Variants in DDHD1 observed in about 807,000 individuals in gnomAD.
DDHD1 encodes DDHD domain containing 1, also known as phospholipase DDHD1.
DDHD1 carries 49 observed loss-of-function variants against 96.4 expected under a neutral mutation model. The observed-to-expected ratio is 0.51, with a 90% confidence interval of 0.40 to 0.64. The LOEUF is 0.64. Ranked by LOEUF, DDHD1 falls within the 30% of genes least tolerant of loss-of-function variation. The pLI is 0.00. For missense variants in DDHD1, 1,106 were observed against 1,161.2 expected, an observed-to-expected ratio of 0.95 and a Z score of 0.69; for synonymous variants, 442 against 446.5, an observed-to-expected ratio of 0.99 and a Z score of 0.13.
intron 1 of DDHD1, 31 bp downstream of exon 1, chr14:53,152,230 C>G (rs1891448339): frequency 6.4e-7 from 1 of 1,557,798 alleles, no homozygotes; most frequent in Non-Finnish European, 8.7e-7. Context: ...AGGGGCAGCC[C>G]GTCCTGCCCT....
intron 2 of DDHD1, among the ~76,000 whole-genome samples, chr14:53,096,377 CATT>C (rs1312164442): frequency 1.3e-5 from 2 of 151,854 alleles, no homozygotes; most frequent in African/African-American, 4.8e-5. Flanking sequence ...TAAAGCAAAA[CATT>C]AGTATAATGT....
intron 1 of DDHD1, among the ~76,000 whole-genome samples, chr14:53,147,950 A>G (rs1891109564): frequency 6.6e-6 from 1 of 152,060 alleles, no homozygotes; most frequent in Non-Finnish European, 1.5e-5. Flanking sequence ...ACACGGTCAC[A>G]TCTACACCAA....
At chr14:53,141,124 C>G (rs1278601172) in intron 1 of DDHD1, among the ~76,000 whole-genome samples, 2 of 152,166 alleles carry the variant, frequency 1.3e-5, no homozygotes, top group African/African-American at 4.8e-5. Flanking sequence ...ATAGTGGAGA[C>G]TTTATCCTTC....
intron 3 of DDHD1, chr14:53,092,472 C>A (rs1229532302): frequency 6.6e-6 from 1 of 152,014 alleles, no homozygotes; most frequent in African/African-American, 2.4e-5. Context: ...ATTCTTTTTA[C>A]ATTTATTTTT....
intron 1 of DDHD1, among the ~76,000 whole-genome samples, chr14:53,104,939 A>T (rs1348847243): frequency 6.6e-6 from 1 of 152,088 alleles, no homozygotes; most frequent in Non-Finnish European, 1.5e-5. Flanking sequence ...GGAGAAAAAG[A>T]ACTGCAAACA....
intron 4 of DDHD1, among the ~76,000 whole-genome samples, chr14:53,075,476 C>A (rs1310418991): frequency 6.6e-6 from 1 of 152,006 alleles, no homozygotes; most frequent in Admixed American, 6.6e-5. Context: ...AAGAAGCTAC[C>A]GAAGAAAAGT....
At chr14:53,122,752 A>G (rs964537409) in intron 1 of DDHD1, among the ~76,000 whole-genome samples, 2 of 151,518 alleles carry the variant, frequency 1.3e-5, no homozygotes, top group Non-Finnish European at 2.9e-5. Flanking sequence ...TATTTTTAGC[A>G]GAGATGGAGT....
At chr14:53,072,749 T>C (rs1884625320) in intron 5 of DDHD1, 46 bp from the exon 6 acceptor site, 4 of 1,392,640 alleles carry the variant, frequency 2.9e-6, no homozygotes, top group Non-Finnish European at 4.0e-6. Flanking sequence ...AGAAAGTCTC[T>C]GTTACAGGAA....
intron 4 of DDHD1, among the ~76,000 whole-genome samples, chr14:53,090,400 T>C (rs191783319): frequency 5.6e-4 from 85 of 152,344 alleles, no homozygotes; most frequent in African/African-American, 2.0e-3. Context: ...TTATAAATCA[T>C]GCTACTATGA....
At chr14:53,123,837 G>C (rs1282177999) in intron 1 of DDHD1, among the ~76,000 whole-genome samples, 1 of 152,208 alleles carries the variant, frequency 6.6e-6, no homozygotes, top group Non-Finnish European at 1.5e-5. Flanking sequence ...TAAGGTAGGT[G>C]AAAGAGATGC....
At chr14:53,117,337 G>T (rs974523416) in intron 1 of DDHD1, among the ~76,000 whole-genome samples, 2 of 152,176 alleles carry the variant, frequency 1.3e-5, no homozygotes, top group Admixed American at 6.5e-5. Context: ...AAGTATGGTG[G>T]GGCGTCGCCT....
At chr14:53,105,850 T>G (rs1887648841) in intron 1 of DDHD1, among the ~76,000 whole-genome samples, 1 of 152,140 alleles carries the variant, frequency 6.6e-6, no homozygotes, top group South Asian at 2.1e-4. Context: ...TACGTATTCT[T>G]TTTTTTCCTT....
Position 53,041,137 on chromosome 14 carries a change from G to C in DDHD1, c.*5631C>G, listed in dbSNP as rs1881616671. On this transcript the variant is annotated 3_prime_UTR_variant, in exon 13 of 13. Transcript: ENST00000673822. ...TCCAGGAGAAAGCAGTAAAGGTCAA[G>C]TGTTAACATACTTGTTTTTCATCTT... 1 of 152,084 alleles carries C rather than the reference G, an allele frequency of 6.6e-6. No homozygotes were observed. Among genetic ancestry groups the C allele is most frequent in the African/African-American group, 2.4e-5 (1 of 41,418 alleles). The allele number at this position is 152,084 out of a possible 1,614,324, so 9.4% of individuals were successfully genotyped here. A position where few individuals can be genotyped will look rare whatever the true frequency, so the allele number is the denominator to read the frequency against.
chr14:53,146,531 A>G (rs1385111656), intron 1 of DDHD1, among the ~76,000 whole-genome samples: 1 of 152,194 alleles, frequency 6.6e-6, no homozygotes, highest in Non-Finnish European at 1.5e-5. Flanking sequence ...GTATAATTCA[A>G]TCTTGTTCAC....
Position 53,060,219 on chromosome 14 carries a change from T to G in DDHD1, c.1842+907A>C, listed in dbSNP as rs189917791. On this transcript the variant is annotated intron_variant, in intron 8 of 12. Transcript: ENST00000673822. ...TGAGTATTAGGAAACTTATGACATT[T>G]CCCATTTAACACTGCAAGCAAGTTA... Among the ~76,000 whole-genome samples, 269 of 152,320 alleles carry G rather than the reference T, an allele frequency of 1.8e-3. 4 individuals carry two copies. The highest frequency in any genetic ancestry group is 0.015 in the Admixed American group (226 of 15,304).
At chr14:53,096,684 T>C (rs1886908369) in intron 2 of DDHD1, among the ~76,000 whole-genome samples, 1 of 151,976 alleles carries the variant, frequency 6.6e-6, no homozygotes. Flanking sequence ...GCATACATTC[T>C]ACTAGATGCT....
chr14:53,141,391 G>T (rs1890631680), intron 1 of DDHD1, among the ~76,000 whole-genome samples: 1 of 152,152 alleles, frequency 6.6e-6, no homozygotes, highest in Admixed American at 6.5e-5. Flanking sequence ...TGAACTAACA[G>T]AATTACCAAA....
intron 1 of DDHD1, among the ~76,000 whole-genome samples, chr14:53,146,102 A>T (rs4901348): frequency 0.73 from 111,180 of 151,892 alleles, 43,449 homozygotes; most frequent in East Asian, 0.96. Context: ...GCTACTTGGG[A>T]GGCTGAGGCA....
intron 1 of DDHD1, among the ~76,000 whole-genome samples, chr14:53,142,926 T>C (rs1890737000): frequency 6.6e-6 from 1 of 152,072 alleles, no homozygotes; most frequent in South Asian, 2.1e-4. Flanking sequence ...AGACTACAAA[T>C]TGAAACAGGA....
Sources: allele counts gnomAD v4.1 joint callset (sites outside exome capture counted in the v4.1 genomes callset), GRCh38; gene constraint gnomAD v4.1.1; transcripts MANE v1.5; gene names NCBI Gene and HGNC (gene_info 2026-07-23, HGNC 2026-07-21).